ROPN1L: variants seen among roughly 807,000 people sequenced by gnomAD.
The protein encoded by ROPN1L is rhophilin associated tail protein 1 like, also known as ropporin-1-like protein.
In ROPN1L, 23 loss-of-function variants were observed where a neutral mutation model predicts 22.7. That is an observed-to-expected ratio of 1.01 (90% CI 0.73 to 1.43). The LOEUF is 1.43. ROPN1L is among the 40% of genes most tolerant of loss of function. The pLI, the probability that ROPN1L is intolerant of heterozygous loss-of-function variation, is 0.00. For synonymous variants in ROPN1L, 116 were observed against 117.8 expected (o/e 0.98, Z 0.10); for missense variants, 271 against 291.5 (o/e 0.93, Z 0.51).
intron 3 of ROPN1L, among the ~76,000 whole-genome samples, chr5:10,452,315 CTGTGTGTG>C (rs70947209): frequency 3.2e-5 from 4 of 125,462 alleles, no homozygotes; most frequent in East Asian, 2.5e-4. Context: ...GTGTGTGTGT[CTGTGTGTG>C]TGTGTGTGTG....
chr5:10,451,928 A>AATCTATCTATCTATCT (rs70947207), intron 3 of ROPN1L, among the ~76,000 whole-genome samples: 30,769 of 150,392 alleles, frequency 0.2, 3,307 homozygotes, highest in South Asian at 0.23. Context: ...AACTCTGTGA[A>AATCTATCTATCTATCT]ATCTATCTAT....
rs1579640323 is a variant in ROPN1L, at chr5:10,444,538, A to G, written c.131+2240A>G. 3.3e-5 allele frequency among the ~76,000 whole-genome samples: 5 copies of G among 150,522 alleles called. No homozygotes were observed. The Admixed American group carries it at 3.3e-4, about 10-fold the overall frequency. On this transcript the variant is annotated intron_variant, in intron 1 of 4. Coordinates refer to ENST00000274134, the MANE Select transcript of ROPN1L (RefSeq NM_031916.5). ...ACTCCTGACCTCAGGTGATCTATCC[A>G]CTTGGGCCTCCCAAAGTGCTGGGAT...
downstream of ROPN1L, among the ~76,000 whole-genome samples, chr5:10,472,340 G>A (rs1422408826): frequency 2.0e-5 from 3 of 152,198 alleles, no homozygotes; most frequent in African/African-American, 7.2e-5. Flanking sequence ...GGCTTGGAGT[G>A]TAGCCAACAG....
In ROPN1L at chr5:10,464,806, T is replaced by C. The variant is rs372833292; in HGVS notation, c.594-42T>C. The C allele has an allele frequency of 7.4e-6, 9 of 1,214,398 alleles. No homozygotes were observed. In the African/African-American group the frequency reaches 1.1e-4, roughly 14 times the overall value. 75.2% of individuals were successfully genotyped at this position (1,214,398 alleles called of 1,614,324 possible). ...TATAAAAATGTTACTAAGTATATGA[T>C]GAGAAATTACCAATAAATATCTTTA... On this transcript the variant is annotated intron_variant, in intron 4 of 4. Transcript: ENST00000274134.
At chr5:10,451,708 G>T (rs1741257010) in intron 3 of ROPN1L, among the ~76,000 whole-genome samples, 1 of 152,146 alleles carries the variant, frequency 6.6e-6, no homozygotes, top group African/African-American at 2.4e-5. Flanking sequence ...CAAGAGTTTT[G>T]TTGTGTAACT....
In ROPN1L at chr5:10,461,254, T is replaced by C; in HGVS notation, c.488T>C (p.Ile163Thr). 1 of 1,614,140 alleles carries C rather than the reference T, an allele frequency of 6.2e-7. No homozygotes were observed. Among genetic ancestry groups the C allele is most frequent in the Non-Finnish European group, 8.5e-7 (1 of 1,180,024 alleles). The change falls in exon 4 of 5, where the codon ATC becomes ACC. Residue 163 changes from isoleucine (I) to threonine (T), a missense_variant. Coordinates refer to ENST00000274134, the MANE Select transcript of ROPN1L (RefSeq NM_031916.5). The part of the protein sequence containing the change: ...TDDPEGGPAR[I>T]PFKTFSYVYR... ...GATCCGGAGGGCGGGCCCGCTCGCATCCCCTTCAAGACGTTTTCCTACGTT... is the reference window on the plus strand; with the variant it reads ...GATCCGGAGGGCGGGCCCGCTCGCACCCCCTTCAAGACGTTTTCCTACGTT...
intron 1 of ROPN1L, among the ~76,000 whole-genome samples, chr5:10,443,897 A>G (rs1041819670): frequency 3.9e-5 from 6 of 152,106 alleles, no homozygotes; most frequent in Non-Finnish European, 8.8e-5. Flanking sequence ...GATTGCATTC[A>G]GTGGCCATCC....
chr5:10,455,831 G>T (rs1453231886), intron 3 of ROPN1L, among the ~76,000 whole-genome samples: 1 of 150,228 alleles, frequency 6.7e-6, no homozygotes, highest in Non-Finnish European at 1.5e-5. Context: ...AAAAACCAGT[G>T]CTGGGTCAGA....
the ROPN1L span, among the ~76,000 whole-genome samples, chr5:10,479,770 G>A: frequency 6.1e-4 from 92 of 151,656 alleles, 1 homozygote; most frequent in African/African-American, 2.2e-3. Context: ...TTTCTGAGAC[G>A]GAGTTTCTCT....
downstream of ROPN1L, among the ~76,000 whole-genome samples, chr5:10,467,997 G>A (rs150573366): frequency 2.6e-3 from 395 of 152,344 alleles, 2 homozygotes; most frequent in Non-Finnish European, 4.1e-3. Context: ...GGCCGGCTCA[G>A]CATGAGACTC....
chr5:10,450,005 C>CT lies in ROPN1L; in HGVS notation c.311dup (p.Leu104PhefsTer18). The CT allele has an allele frequency of 6.2e-7, 1 of 1,613,946 alleles. No individual in the cohort carries two copies. Among genetic ancestry groups the CT allele is most frequent in the Non-Finnish European group, 8.5e-7 (1 of 1,179,856 alleles). Reference sequence around the variant, plus strand: ...CAGATCTTGAGCAGAAGTGGAAGAACTTGTGCCTGCCGAAGGAAAAATTCA... The same window carrying CT: ...CAGATCTTGAGCAGAAGTGGAAGAACTTTGTGCCTGCCGAAGGAAAAATTCA... On this transcript the variant is annotated frameshift_variant, in exon 3 of 5. Coordinates refer to ENST00000274134, the MANE Select transcript of ROPN1L (RefSeq NM_031916.5). LOFTEE classifies it high-confidence loss of function.
chr5:10,458,748 C>A (rs1336023542), intron 3 of ROPN1L, among the ~76,000 whole-genome samples: 1 of 87,868 alleles, frequency 1.1e-5, no homozygotes, highest in Non-Finnish European at 2.5e-5. Flanking sequence ...TGTATACCGT[C>A]CCCCCATGTA....
intron 3 of ROPN1L, among the ~76,000 whole-genome samples, chr5:10,459,026 G>T (rs967465468): frequency 1.4e-4 from 21 of 146,712 alleles, no homozygotes; most frequent in African/African-American, 5.3e-4. Flanking sequence ...CTCCGTGAGC[G>T]CTAGGCCTAC....
chr5:10,448,030 A>C (rs1741127677), intron 1 of ROPN1L, among the ~76,000 whole-genome samples: 1 of 152,170 alleles, frequency 6.6e-6, no homozygotes, highest in Non-Finnish European at 1.5e-5. Context: ...ATGCTCCCCA[A>C]CCCTCCAACA....
At chr5:10,475,943 G>T (rs1202815991), downstream of ROPN1L, among the ~76,000 whole-genome samples, 1 of 152,238 alleles carries the variant, frequency 6.6e-6, no homozygotes, top group African/African-American at 2.4e-5. Context: ...AGGGATCCAG[G>T]TCCTGTCCAT....
the ROPN1L span, among the ~76,000 whole-genome samples, chr5:10,479,758 T>A: frequency 2.6e-5 from 4 of 152,152 alleles, no homozygotes; most frequent in African/African-American, 9.7e-5. Context: ...AACTCTTTTT[T>A]TTTTCTGAGA....
At chr5:10,456,244 T>C (rs1435614849) in intron 3 of ROPN1L, among the ~76,000 whole-genome samples, 4 of 152,224 alleles carry the variant, frequency 2.6e-5, no homozygotes, top group African/African-American at 9.6e-5. Flanking sequence ...CCCAGCACTT[T>C]GGGAGGCCAA....
chr5:10,477,226 G>A, the ROPN1L span, among the ~76,000 whole-genome samples: 1 of 152,090 alleles, frequency 6.6e-6, no homozygotes, highest in East Asian at 1.9e-4. Context: ...TGCTGACCCC[G>A]GGTCTATGCA....
chr5:10,461,458 T>C, intron 4 of ROPN1L, 99 bp downstream of exon 4: 1 of 1,008,466 alleles, frequency 9.9e-7, no homozygotes, highest in Non-Finnish European at 1.5e-6. Flanking sequence ...TTTCCTTTGC[T>C]CTCTCACCAC....
Sources: allele counts gnomAD v4.1 joint callset (sites outside exome capture counted in the v4.1 genomes callset), GRCh38; gene constraint gnomAD v4.1.1; transcripts MANE v1.5; gene names NCBI Gene and HGNC (gene_info 2026-07-23, HGNC 2026-07-21).